The following SMYD3 variants were observed in gnomAD, a reference collection of about 807,000 sequenced individuals.
SMYD3 encodes the protein SET and MYND domain containing 3, also known as histone-lysine N-methyltransferase SMYD3.
Under a neutral mutation model 57.7 loss-of-function variants are expected in SMYD3, and 36 were observed. The observed-to-expected ratio is 0.62, with a 90% confidence interval of 0.48 to 0.82. The LOEUF (loss-of-function observed/expected upper bound fraction) is 0.82, where lower values mean the gene tolerates loss of function less well. Among genes scored for constraint, SMYD3 ranks in the 40% least tolerant of loss-of-function variants. The pLI, the probability that SMYD3 is intolerant of heterozygous loss-of-function variation, is 0.00. For missense variants in SMYD3, 515 were observed against 538.8 expected, an observed-to-expected ratio of 0.96 and a Z score of 0.44; for synonymous variants, 211 against 195.0, an observed-to-expected ratio of 1.08 and a Z score of -0.68.
At chr1:246,107,265 T>C (rs371968101) in intron 5 of SMYD3, among the ~76,000 whole-genome samples, 109 of 151,362 alleles carry the variant, frequency 7.2e-4, no homozygotes, top group African/African-American at 2.0e-3. Context: ...CCAGCCTGGG[T>C]GACAGAGCAA....
chr1:246,128,385 T>C (rs188396867), intron 5 of SMYD3, among the ~76,000 whole-genome samples: 2 of 152,360 alleles, frequency 1.3e-5, no homozygotes, highest in African/African-American at 4.8e-5. Context: ...CAGTCCAGCA[T>C]GCTGAAAAGT....
chr1:246,126,175 G>A (rs2061506886), intron 5 of SMYD3, among the ~76,000 whole-genome samples: 1 of 152,178 alleles, frequency 6.6e-6, no homozygotes, highest in African/African-American at 2.4e-5. Flanking sequence ...CCCCATCTGG[G>A]CATGAGCACT....
At chr1:245,829,309 A>C (rs1044220790) in intron 10 of SMYD3, among the ~76,000 whole-genome samples, 10 of 152,164 alleles carry the variant, frequency 6.6e-5, no homozygotes, top group African/African-American at 2.2e-4. Context: ...ACTGGGCACT[A>C]TTCTAGGCCC....
chr1:246,102,503 A>G (rs1412234510), intron 5 of SMYD3, among the ~76,000 whole-genome samples: 3 of 152,122 alleles, frequency 2.0e-5, no homozygotes, highest in Non-Finnish European at 2.9e-5. Context: ...CACATGCCAT[A>G]TAGAACCCAG....
At chr1:246,236,723 G>T (rs1356159418) in intron 5 of SMYD3, among the ~76,000 whole-genome samples, 1 of 151,960 alleles carries the variant, frequency 6.6e-6, no homozygotes, top group East Asian at 1.9e-4. Flanking sequence ...TGTTGCCCAG[G>T]CTTGTCTCAA....
chr1:246,434,127 A>G (rs970798015), intron 1 of SMYD3, among the ~76,000 whole-genome samples: 4 of 152,212 alleles, frequency 2.6e-5, no homozygotes, highest in Non-Finnish European at 5.9e-5. Context: ...GTCAAGATGG[A>G]TAAGATTTAA....
intron 10 of SMYD3, among the ~76,000 whole-genome samples, chr1:245,773,413 G>C (rs2046418407): frequency 6.6e-6 from 1 of 152,312 alleles, no homozygotes; most frequent in African/African-American, 2.4e-5. Flanking sequence ...TATATTAAGT[G>C]TGTTCAATTA....
intron 10 of SMYD3, among the ~76,000 whole-genome samples, chr1:245,809,901 G>C (rs553503778): frequency 6.6e-6 from 1 of 152,298 alleles, no homozygotes; most frequent in African/African-American, 2.4e-5. Context: ...ATAGATGACA[G>C]GTTCTCTCTC....
chr1:246,473,238 T>C (rs2067983897), intron 1 of SMYD3, among the ~76,000 whole-genome samples: 1 of 152,192 alleles, frequency 6.6e-6, no homozygotes, highest in Non-Finnish European at 1.5e-5. Context: ...GTTCTGGCAA[T>C]ACGAGAAACT....
intron 1 of SMYD3, among the ~76,000 whole-genome samples, chr1:246,435,116 T>C (rs891076379): frequency 1.3e-5 from 2 of 152,138 alleles, no homozygotes; most frequent in Non-Finnish European, 2.9e-5. Flanking sequence ...TAATCACTGG[T>C]ACTGCTGGAC....
intron 5 of SMYD3, among the ~76,000 whole-genome samples, chr1:246,040,627 C>A (rs1277281552): frequency 6.6e-6 from 1 of 152,178 alleles, no homozygotes; most frequent in Non-Finnish European, 1.5e-5. Context: ...TTATATTAAA[C>A]CAGTAGTTAC....
intron 11 of SMYD3, among the ~76,000 whole-genome samples, chr1:245,756,765 G>T (rs959976957): frequency 4.0e-5 from 6 of 148,196 alleles, no homozygotes; most frequent in Non-Finnish European, 7.4e-5. Context: ...TCCTGTACAG[G>T]TAAGTTGTCA....
At chr1:246,262,628 G>A (rs573199003) in intron 5 of SMYD3, among the ~76,000 whole-genome samples, 24 of 152,086 alleles carry the variant, frequency 1.6e-4, no homozygotes, top group African/African-American at 4.6e-4. Flanking sequence ...TTGGCACAGC[G>A]TCTACCATTT....
intron 8 of SMYD3, among the ~76,000 whole-genome samples, chr1:245,907,120 T>C (rs1249583331): frequency 1.3e-5 from 2 of 152,076 alleles, no homozygotes; most frequent in Non-Finnish European, 2.9e-5. Flanking sequence ...ACAACAGAAA[T>C]AGAAAGAATG....
At chr1:245,910,456 A>G (rs924130076) in intron 8 of SMYD3, among the ~76,000 whole-genome samples, 2 of 152,070 alleles carry the variant, frequency 1.3e-5, no homozygotes, top group Non-Finnish European at 2.9e-5. Context: ...GGAAATTCAT[A>G]TGGAACAACA....
intron 5 of SMYD3, among the ~76,000 whole-genome samples, chr1:246,172,927 C>G (rs2062367492): frequency 6.6e-6 from 1 of 150,804 alleles, no homozygotes; most frequent in African/African-American, 2.5e-5. Context: ...ACACTACACA[C>G]TTATGCTACA....
intron 1 of SMYD3, among the ~76,000 whole-genome samples, chr1:246,379,079 CAT>C (rs1030355134): frequency 4.1e-5 from 3 of 74,032 alleles, no homozygotes; most frequent in South Asian, 5.7e-4. Context: ...CACACACATA[CAT>C]ACACACACAC....
chr1:246,235,555 C>CA (rs879744802), intron 5 of SMYD3, among the ~76,000 whole-genome samples: 2 of 152,026 alleles, frequency 1.3e-5, no homozygotes, highest in Non-Finnish European at 2.9e-5. Context: ...GGTAGACAGA[C>CA]AAAAAGACAT....
intron 1 of SMYD3, among the ~76,000 whole-genome samples, chr1:246,438,968 G>A (rs1372194571): frequency 2.0e-5 from 3 of 152,004 alleles, no homozygotes; most frequent in Non-Finnish European, 1.5e-5. Context: ...CCTACTGTGC[G>A]GCCTGGTTCC....
Sources: gnomAD v4.1 joint callset for allele counts (sites outside exome capture counted in the v4.1 genomes callset) on GRCh38, gnomAD v4.1.1 for gene constraint, MANE v1.5 for transcripts, NCBI Gene and HGNC (gene_info 2026-07-23, HGNC 2026-07-21) for gene names.